KIF26B: variants seen among roughly 807,000 people sequenced by gnomAD.
KIF26B encodes kinesin family member 26B.
KIF26B carries 63 observed loss-of-function variants against 151.2 expected under a neutral mutation model. That is an observed-to-expected ratio of 0.42 (90% CI 0.34 to 0.51). The LOEUF is 0.51. Among genes scored for constraint, KIF26B ranks in the 20% least tolerant of loss-of-function variants. The pLI is 0.07. For synonymous variants in KIF26B, 1,357 were observed against 1,262.1 expected, an observed-to-expected ratio of 1.08 and a Z score of -1.59; for missense variants, 2,813 against 2,913.6, an observed-to-expected ratio of 0.97 and a Z score of 0.79.
chr1:245,617,085 T>TC (rs2043599149), intron 9 of KIF26B, among the ~76,000 whole-genome samples: 1 of 84,864 alleles, frequency 1.2e-5, no homozygotes, highest in African/African-American at 3.7e-5. Context: ...AATCTGTTTT[T>TC]TTGTTTGTTT....
chr1:245,307,574 G>A (rs1426436666), intron 2 of KIF26B, among the ~76,000 whole-genome samples: 1 of 152,112 alleles, frequency 6.6e-6, no homozygotes, highest in Non-Finnish European at 1.5e-5. Flanking sequence ...ACAAACCACC[G>A]CCTGTGTCTA....
chr1:245,682,399 G>C (rs538044175), intron 10 of KIF26B, among the ~76,000 whole-genome samples: 1 of 152,256 alleles, frequency 6.6e-6, no homozygotes, highest in South Asian at 2.1e-4. Flanking sequence ...AATAACAAGA[G>C]CTGACTGTAT....
At chr1:245,533,853 T>C (rs1661433013) in intron 4 of KIF26B, among the ~76,000 whole-genome samples, 1 of 152,100 alleles carries the variant, frequency 6.6e-6, no homozygotes, top group African/African-American at 2.4e-5. Flanking sequence ...ACCTAAGACT[T>C]TCCCTGCACT....
intron 2 of KIF26B, among the ~76,000 whole-genome samples, chr1:245,362,148 T>C (rs1191892181): frequency 6.6e-6 from 1 of 151,318 alleles, no homozygotes; most frequent in Non-Finnish European, 1.5e-5. Context: ...ACCCTCTGTG[T>C]CTCCTTGGTC....
chr1:245,363,189 C>T (rs540817243), intron 2 of KIF26B, among the ~76,000 whole-genome samples: 68 of 152,244 alleles, frequency 4.5e-4, no homozygotes, highest in African/African-American at 1.6e-3. Flanking sequence ...GCTCTGAAGA[C>T]TTCTTTTCTC....
At chr1:245,280,498 T>G (rs1231263438) in intron 2 of KIF26B, among the ~76,000 whole-genome samples, 1 of 117,528 alleles carries the variant, frequency 8.5e-6, no homozygotes, top group African/African-American at 3.6e-5. Flanking sequence ...ACCACTGCAC[T>G]CCAGCCTGGG....
intron 2 of KIF26B, among the ~76,000 whole-genome samples, chr1:245,353,477 G>A (rs377510326): frequency 2.6e-5 from 4 of 152,272 alleles, no homozygotes; most frequent in African/African-American, 2.4e-5. Flanking sequence ...AGGAAGATTC[G>A]GATCGTGGCA....
At position 245,698,946 on chromosome 1, in the gene KIF26B, C is replaced by G. The variant is rs201847058; in HGVS notation, c.6087C>G (p.Ala2029=). ...TGGAACACCGCCAGCAGAGGATCGCCGAGGTCCGCGCGAAGTACGAGTGGC... is the reference window on the plus strand; with the variant it reads ...TGGAACACCGCCAGCAGAGGATCGCGGAGGTCCGCGCGAAGTACGAGTGGC... ...KILEHRQQRI[A]EVRAKYEWLM... is the part of the protein sequence containing the mutation. The change falls in exon 14 of 15, where the codon GCC becomes GCG. Residue 2029 remains alanine, a synonymous_variant. Coordinates refer to ENST00000407071, the MANE Select transcript of KIF26B (RefSeq NM_018012.4). This position sits in a 1 kb window ranked among gnomAD's most constrained non-coding sequence, Gnocchi z 4.0. 1 of 1,613,902 alleles carries G rather than the reference C, an allele frequency of 6.2e-7. No homozygotes were observed. The highest frequency in any genetic ancestry group is 1.3e-5 in the African/African-American group (1 of 74,930).
chr1:245,611,088 A>G (rs1222252740), intron 8 of KIF26B, among the ~76,000 whole-genome samples: 1 of 152,170 alleles, frequency 6.6e-6, no homozygotes, highest in African/African-American at 2.4e-5. Context: ...CAGACGCATT[A>G]CCCTGTGTGC....
intron 3 of KIF26B, among the ~76,000 whole-genome samples, chr1:245,388,362 C>T (rs575291459): frequency 6.6e-6 from 1 of 152,248 alleles, no homozygotes; most frequent in South Asian, 2.1e-4. Context: ...AAAAGTGAAA[C>T]TAAAGTAGCA....
At chr1:245,509,402 A>G (rs1415005517) in intron 4 of KIF26B, among the ~76,000 whole-genome samples, 1 of 152,198 alleles carries the variant, frequency 6.6e-6, no homozygotes, top group Non-Finnish European at 1.5e-5. Flanking sequence ...CGTTCCAGGT[A>G]AAGGGAACAG....
intron 5 of KIF26B, among the ~76,000 whole-genome samples, chr1:245,561,898 G>A (rs761023550): frequency 3.9e-5 from 6 of 152,174 alleles, no homozygotes; most frequent in East Asian, 1.9e-4. Context: ...TGTCAGAGGT[G>A]GTCCTGCCTC....
chr1:245,434,524 C>G (rs954227446), intron 4 of KIF26B, among the ~76,000 whole-genome samples: 1 of 152,164 alleles, frequency 6.6e-6, no homozygotes, highest in Non-Finnish European at 1.5e-5. Context: ...CCTCTTCCCC[C>G]ACTCCTTGCC....
chr1:245,616,744 T>C (rs2043594898), intron 9 of KIF26B, among the ~76,000 whole-genome samples: 1 of 152,128 alleles, frequency 6.6e-6, no homozygotes, highest in Admixed American at 6.5e-5. Flanking sequence ...CTTGGAGTAT[T>C]TTGGATTTCA....
chr1:245,636,924 A>G (rs1013314961), intron 9 of KIF26B, among the ~76,000 whole-genome samples: 1 of 151,888 alleles, frequency 6.6e-6, no homozygotes, highest in Non-Finnish European at 1.5e-5. Context: ...CCATTGATGG[A>G]CACTTAGACT....
intron 2 of KIF26B, among the ~76,000 whole-genome samples, chr1:245,353,374 A>T (rs1672612308): frequency 6.6e-6 from 1 of 152,200 alleles, no homozygotes; most frequent in Non-Finnish European, 1.5e-5. Context: ...GGCTCTCCCT[A>T]CCATGAAAGT....
rs1025147243 is a variant in KIF26B, at chr1:245,367,073, C to T, written c.705C>T (p.His235=). The part of the protein sequence containing the change: ...SNIPTLVGSR[H]VGGLQQPRDW... ...TCCCCACCCTGGTGGGGTCCCGGCA[C>T]GTGGGTGGGCTCCAGCAGCCCAGAG... Residue 235 remains histidine (H), a synonymous_variant, in exon 3 of 15, where the codon CAC becomes CAT. Transcript: ENST00000407071. The surrounding 1 kb of genome is among the most constrained non-coding windows in gnomAD (Gnocchi z 4.2). 1.7e-5 allele frequency: 28 copies of T among 1,602,292 alleles called. No individual in the cohort carries two copies. The highest frequency in any genetic ancestry group is 9.0e-5 in the East Asian group (4 of 44,200).
intron 9 of KIF26B, among the ~76,000 whole-genome samples, chr1:245,622,183 C>T (rs2043671246): frequency 6.6e-6 from 1 of 152,186 alleles, no homozygotes; most frequent in African/African-American, 2.4e-5. Flanking sequence ...TACAAAATAG[C>T]ATAAAACAGA....
intron 2 of KIF26B, among the ~76,000 whole-genome samples, chr1:245,201,764 C>T (rs940367887): frequency 2.0e-5 from 3 of 152,044 alleles, no homozygotes; most frequent in East Asian, 1.9e-4. Context: ...GGCGTGGGGG[C>T]GGGGGGAAGG....
Sources: gnomAD v4.1 joint callset for allele counts (sites outside exome capture counted in the v4.1 genomes callset) on GRCh38, gnomAD v4.1.1 for gene constraint, Gnocchi (gnomAD v3.1) non-coding constraint, MANE v1.5 for transcripts, NCBI Gene and HGNC (gene_info 2026-07-23, HGNC 2026-07-21) for gene names.